PACS2: variants seen among roughly 807,000 people sequenced by gnomAD.
PACS2 encodes the protein PACS1-like protein.
In PACS2, 36 loss-of-function variants were observed where a neutral mutation model predicts 113.0. The observed-to-expected ratio is 0.32, with a 90% CI of 0.24 to 0.42. The LOEUF (loss-of-function observed/expected upper bound fraction) is 0.42, where lower values mean the gene tolerates loss of function less well. Among genes scored for constraint, PACS2 ranks in the 10% least tolerant of loss-of-function variants. The pLI is 1.00. For synonymous variants in PACS2, 589 were observed against 536.1 expected, an observed-to-expected ratio of 1.10 and a Z score of -1.36; for missense variants, 1,015 against 1,239.5, an observed-to-expected ratio of 0.82 and a Z score of 2.72.
intron 4 of PACS2, among the ~76,000 whole-genome samples, chr14:105,359,971 T>TA (rs2060615893): frequency 6.6e-6 from 1 of 152,224 alleles, no homozygotes; most frequent in African/African-American, 2.4e-5. Flanking sequence ...CATAAATACT[T>TA]ACCATCTGTA....
intron 1 of PACS2, among the ~76,000 whole-genome samples, chr14:105,335,393 T>C (rs1197323093): frequency 6.6e-5 from 10 of 151,710 alleles, no homozygotes; most frequent in Admixed American, 6.6e-4. Flanking sequence ...GCTCTGACGC[T>C]GTGGCCGGCG....
At chr14:105,316,402 A>G (rs587760321) in intron 1 of PACS2, among the ~76,000 whole-genome samples, 35 of 152,316 alleles carry the variant, frequency 2.3e-4, no homozygotes, top group African/African-American at 7.5e-4. Context: ...CCCCAATGTC[A>G]GGTCCCACAG....
chr14:105,328,455 C>T (rs897580857), intron 1 of PACS2, among the ~76,000 whole-genome samples: 52 of 152,190 alleles, frequency 3.4e-4, no homozygotes, highest in African/African-American at 1.2e-3. Flanking sequence ...TGGACACGGA[C>T]GCTCCAGCCG....
intron 4 of PACS2, among the ~76,000 whole-genome samples, chr14:105,361,992 A>G (rs1212999463): frequency 2.6e-5 from 4 of 151,858 alleles, no homozygotes; most frequent in Admixed American, 1.3e-4. Context: ...GTGTGGTGGC[A>G]GGCACCTAAA....
intron 2 of PACS2, among the ~76,000 whole-genome samples, chr14:105,351,698 AT>A (rs1256778179): frequency 3.3e-5 from 5 of 152,198 alleles, no homozygotes; most frequent in Admixed American, 1.3e-4. Context: ...ATTATTGTAT[AT>A]TTTTTTGTGG....
rs2081494900 is a variant in PACS2, at chr14:105,395,048, T to C, written c.*376T>C. 1 of 234,770 alleles carries C rather than the reference T, an allele frequency of 4.3e-6. No homozygotes were observed. Among genetic ancestry groups the C allele is most frequent in the Non-Finnish European group, 8.5e-6 (1 of 117,218 alleles). 14.5% of individuals were successfully genotyped at this position (234,770 alleles called of 1,614,324 possible). On this transcript the variant is annotated 3_prime_UTR_variant, in exon 25 of 25. Transcript: ENST00000447393. ...TCAGGGAGCCCGGGGAAGGCGGAGCTCAGTGGCCACAGGCCGAGGGCCATG... is the reference window on the plus strand; with the variant it reads ...TCAGGGAGCCCGGGGAAGGCGGAGCCCAGTGGCCACAGGCCGAGGGCCATG...
chr14:105,328,147 A>C (rs1232570208), intron 1 of PACS2, among the ~76,000 whole-genome samples: 1 of 152,218 alleles, frequency 6.6e-6, no homozygotes, highest in Admixed American at 6.5e-5. Context: ...TCAGAGGTTG[A>C]GTGTTTCCCT....
At chr14:105,305,820 C>A (rs904443230) in intron 1 of PACS2, among the ~76,000 whole-genome samples, 9 of 152,250 alleles carry the variant, frequency 5.9e-5, no homozygotes, top group Non-Finnish European at 1.0e-4. Context: ...CTCAGAGCAC[C>A]CACACTGGGC....
chr14:105,327,573 G>T (rs902645978), intron 1 of PACS2, among the ~76,000 whole-genome samples: 4 of 152,218 alleles, frequency 2.6e-5, no homozygotes, highest in Non-Finnish European at 5.9e-5. Context: ...CTGGGGGCAG[G>T]GTGGTGCATC....
chr14:105,329,201 C>T lies in PACS2; in HGVS notation c.119+14164C>T, dbSNP rs1473437428. Among the ~76,000 whole-genome samples the T allele has an allele frequency of 6.6e-6, 1 of 152,154 alleles. No homozygotes were observed. The highest frequency in any genetic ancestry group is 1.5e-5 in the Non-Finnish European group (1 of 68,026). ...GGCAGCTGTGGAGCGAGGGTGTGTA[C>T]GGGAGCAGGATGGGCTGCACAGAAG... is the stretch of plus-strand genomic sequence containing the variant. On this transcript the variant is annotated intron_variant, in intron 1 of 24. Coordinates refer to ENST00000447393, the MANE Select transcript of PACS2 (RefSeq NM_001100913.3). The surrounding 1 kb of genome is among the most constrained non-coding windows in gnomAD (Gnocchi z 6.4).
chr14:105,377,223 C>T (rs1290981802), intron 9 of PACS2, among the ~76,000 whole-genome samples: 3 of 152,114 alleles, frequency 2.0e-5, no homozygotes, highest in Admixed American at 6.5e-5. Context: ...TGTGGCACCC[C>T]GTTGTAGGGG....
At chr14:105,353,299 C>T (rs2060301360) in intron 3 of PACS2, among the ~76,000 whole-genome samples, 1 of 143,146 alleles carries the variant, frequency 7.0e-6, no homozygotes, top group Non-Finnish European at 1.5e-5. Context: ...CATCACTGTC[C>T]CCTGGGGTGA....
chr14:105,380,159 G>A lies in PACS2; in HGVS notation c.1125+5G>A. Reference sequence around the variant, plus strand: ...GTCTCTGACACGGTGGCCCTCGTAAGCAGGCTTGGGCCGCACCCACCCGTT... The same window carrying A: ...GTCTCTGACACGGTGGCCCTCGTAAACAGGCTTGGGCCGCACCCACCCGTT... On this transcript the variant is annotated splice_donor_5th_base_variant and intron_variant, in intron 11 of 24. Coordinates refer to ENST00000447393, the MANE Select transcript of PACS2 (RefSeq NM_001100913.3). 1 of 1,550,292 alleles carries A rather than the reference G, an allele frequency of 6.5e-7. No homozygotes were observed. The highest frequency in any genetic ancestry group is 1.4e-5 in the African/African-American group (1 of 73,042).
chr14:105,337,445 T>C (rs894477983), intron 1 of PACS2, among the ~76,000 whole-genome samples: 12 of 152,234 alleles, frequency 7.9e-5, no homozygotes, highest in Admixed American at 7.8e-4. Flanking sequence ...TTTTACGTTA[T>C]ATTTACCACA....
At position 105,348,781 on chromosome 14, in the gene PACS2, G is replaced by A. The variant is rs1400075868; in HGVS notation, c.207+201G>A. 1.8e-5 allele frequency: 10 copies of A among 555,102 alleles called. No individual in the cohort carries two copies. The highest frequency in any genetic ancestry group is 1.6e-4 in the South Asian group (8 of 49,820). 34.4% of individuals were successfully genotyped at this position (555,102 alleles called of 1,614,324 possible). ...TGTCCCGCACAAGGGAGGCAGGCCC[G>A]GCCTTCTGGGATGTGGAGGTCACAT... is the stretch of plus-strand genomic sequence containing the variant. On this transcript the variant is annotated intron_variant, in intron 2 of 24. Coordinates refer to ENST00000447393, the MANE Select transcript of PACS2 (RefSeq NM_001100913.3). This position sits in a 1 kb window ranked among gnomAD's most constrained non-coding sequence, Gnocchi z 6.4.
rs929007191 is a variant in PACS2 at position 105,338,802 on chromosome 14, G to C, written c.120-9691G>C. ...CTCTAAAGTGGCCAGGGCAGCAGGG[G>C]TCCTGATGTCTGTTGAAGGCCCTTG... On this transcript the variant is annotated intron_variant, in intron 1 of 24. Transcript: ENST00000447393. 3.3e-5 allele frequency among the ~76,000 whole-genome samples: 5 copies of C among 152,216 alleles called. No individual in the cohort carries two copies. The South Asian group carries it at 8.3e-4, about 25-fold the overall frequency.
At position 105,314,927 on chromosome 14, in the gene PACS2, G is replaced by A; in HGVS notation, c.9G>A (p.Glu3=). The A allele has an allele frequency of 9.2e-7, 1 of 1,081,522 alleles. No individual in the cohort carries two copies. Among genetic ancestry groups the A allele is most frequent in the African/African-American group, 1.7e-5 (1 of 57,974 alleles). The allele number at this position is 1,081,522 out of a possible 1,614,324, so 67.0% of individuals were successfully genotyped here. The change falls in exon 1 of 25, where the codon GAG becomes GAA. Residue 3 remains glutamate, a synonymous_variant. Coordinates refer to ENST00000447393, the MANE Select transcript of PACS2 (RefSeq NM_001100913.3). The part of the protein sequence containing the change: MA[E]RGRLGLPGAP... ...GCGGCGGGGCCGGCGCCATGGCCGA[G>A]CGAGGCCGCCTCGGCCTCCCCGGCG...
At chr14:105,360,690 T>G (rs1555406275) in intron 4 of PACS2, among the ~76,000 whole-genome samples, 1 of 152,036 alleles carries the variant, frequency 6.6e-6, no homozygotes, top group African/African-American at 2.4e-5. Flanking sequence ...CTGTGGCAAT[T>G]TCTTAAATAA....
At chr14:105,316,765 G>A (rs1295074914) in intron 1 of PACS2, among the ~76,000 whole-genome samples, 1 of 152,110 alleles carries the variant, frequency 6.6e-6, no homozygotes, top group Non-Finnish European at 1.5e-5. Flanking sequence ...GGGGGCACCT[G>A]GGCTGGGTAG....
Sources: allele counts gnomAD v4.1 joint callset (sites outside exome capture counted in the v4.1 genomes callset), GRCh38; gene constraint gnomAD v4.1.1; non-coding constraint Gnocchi (gnomAD v3.1); transcripts MANE v1.5; gene names NCBI Gene and HGNC (gene_info 2026-07-23, HGNC 2026-07-21).